Variants in ZEB1 observed in about 807,000 individuals in gnomAD.
ZEB1 encodes zinc finger E-box-binding homeobox 1.
ZEB1 carries 21 observed loss-of-function variants against 84.9 expected under a neutral mutation model. The ratio of observed to expected loss-of-function variants is 0.25; its 90% CI spans 0.18 to 0.36. The LOEUF (loss-of-function observed/expected upper bound fraction) is 0.36, where lower values mean the gene tolerates loss of function less well. Among genes scored for constraint, ZEB1 ranks in the 10% least tolerant of loss-of-function variants. The pLI is 1.00. For synonymous variants in ZEB1, 420 were observed against 471.1 expected (o/e 0.89, Z 1.41); for missense variants, 1,104 against 1,330.2 (o/e 0.83, Z 2.65).
chr10:31,396,218 C>A (rs1451470879), intron 1 of ZEB1, among the ~76,000 whole-genome samples: 5 of 152,068 alleles, frequency 3.3e-5, no homozygotes, highest in Admixed American at 3.3e-4. Context: ...TTAATAATTA[C>A]TTATGAAATA....
At chr10:31,355,831 C>T (rs1469963631) in intron 1 of ZEB1, among the ~76,000 whole-genome samples, 1 of 152,024 alleles carries the variant, frequency 6.6e-6, no homozygotes, top group African/African-American at 2.4e-5. Context: ...TGACCTATAT[C>T]CTAAGGGATA....
chr10:31,497,860 A>G (rs753432713), intron 3 of ZEB1, among the ~76,000 whole-genome samples: 32 of 152,004 alleles, frequency 2.1e-4, no homozygotes, highest in Non-Finnish European at 4.1e-4. Flanking sequence ...ATAATTTTAG[A>G]AAGTTTCAAA....
At chr10:31,420,662 A>G (rs1425974681) in intron 1 of ZEB1, among the ~76,000 whole-genome samples, 1 of 152,182 alleles carries the variant, frequency 6.6e-6, no homozygotes, top group Non-Finnish European at 1.5e-5. Flanking sequence ...GCCAGATAAC[A>G]TAATCACAAC....
intron 1 of ZEB1, among the ~76,000 whole-genome samples, chr10:31,408,188 G>C (rs2053521549): frequency 6.6e-6 from 1 of 150,792 alleles, no homozygotes; most frequent in African/African-American, 2.4e-5. Context: ...AACTTACAAG[G>C]GATGTGAAGG....
intron 1 of ZEB1, among the ~76,000 whole-genome samples, chr10:31,453,387 A>G (rs148406231): frequency 7.6e-4 from 116 of 152,248 alleles, no homozygotes; most frequent in Non-Finnish European, 1.4e-3. Flanking sequence ...GTCACAATAA[A>G]TGATGATAGT....
intron 1 of ZEB1, among the ~76,000 whole-genome samples, chr10:31,378,543 T>C (rs1169526597): frequency 6.6e-6 from 1 of 151,564 alleles, no homozygotes; most frequent in African/African-American, 2.4e-5. Flanking sequence ...GATACAATTA[T>C]GTAATATTAA....
Position 31,339,854 on chromosome 10 carries a change from A to G in ZEB1, c.58+20562A>G, listed in dbSNP as rs115187563. ...CAGATAATTTGGGATGTTCACAGAGAGCTCTGGGTGATTATGACAGTGTAC... is the reference window on the plus strand; with the variant it reads ...CAGATAATTTGGGATGTTCACAGAGGGCTCTGGGTGATTATGACAGTGTAC... On this transcript the variant is annotated intron_variant, in intron 1 of 8. Transcript: ENST00000424869. Among the ~76,000 whole-genome samples the G allele has an allele frequency of 9.4e-3, 1,422 of 151,804 alleles. 24 individuals are homozygous for G. The highest frequency in any genetic ancestry group is 0.033 in the African/African-American group (1,361 of 41,418).
At chr10:31,319,153 G>A (rs1179212925), upstream of ZEB1, 6 of 925,386 alleles carry the variant, frequency 6.5e-6, no homozygotes, top group African/African-American at 3.3e-5. Context: ...GGAGGGGGGA[G>A]GGGTGGAGGC....
intron 3 of ZEB1, among the ~76,000 whole-genome samples, chr10:31,499,972 A>T (rs1298310270): frequency 1.3e-5 from 2 of 152,122 alleles, no homozygotes; most frequent in Non-Finnish European, 2.9e-5. Context: ...AGCAAAATTC[A>T]TATATAAAAT....
intron 6 of ZEB1, among the ~76,000 whole-genome samples, chr10:31,516,464 A>G (rs2071119527): frequency 1.4e-5 from 2 of 146,618 alleles, no homozygotes; most frequent in Admixed American, 1.4e-4. Context: ...ATATGCTGGA[A>G]GTGGACCACA....
intron 2 of ZEB1, among the ~76,000 whole-genome samples, chr10:31,483,730 A>T (rs551908477): frequency 7.9e-5 from 12 of 152,082 alleles, no homozygotes; most frequent in African/African-American, 2.6e-4. Flanking sequence ...GATTGCTGTT[A>T]TCTTCATTCT....
chr10:31,509,153 C>T (rs1259747488), intron 4 of ZEB1, among the ~76,000 whole-genome samples: 2 of 152,146 alleles, frequency 1.3e-5, no homozygotes, highest in Non-Finnish European at 2.9e-5. Flanking sequence ...GGGTTGGGCT[C>T]TCAAAATAGT....
chr10:31,401,632 G>A (rs930780406), intron 1 of ZEB1, among the ~76,000 whole-genome samples: 7 of 152,098 alleles, frequency 4.6e-5, no homozygotes, highest in African/African-American at 1.7e-4. Flanking sequence ...TGCTCATGTA[G>A]TTCTCTAATA....
chr10:31,520,656 C>A lies in ZEB1; in HGVS notation c.1324C>A (p.Gln442Lys), dbSNP rs2072116690. 1 of 1,613,876 alleles carries A rather than the reference C, an allele frequency of 6.2e-7. No homozygotes were observed. Among genetic ancestry groups the A allele is most frequent in the African/African-American group, 1.3e-5 (1 of 74,912 alleles). The change falls in exon 7 of 9, where the codon CAA becomes AAA. Residue 442 changes from glutamine to lysine, a missense_variant. By Grantham distance (53) the Gln-to-Lys change is moderately conservative. Coordinates refer to ENST00000424869, the MANE Select transcript of ZEB1 (RefSeq NM_001174096.2). The surrounding 1 kb of genome is among the most constrained non-coding windows in gnomAD (Gnocchi z 5.1). ...TCAAGCCAATCTTGCATCCAAAGAA[C>A]AAGAAACAATCAATGCTTCACCCAT... is the stretch of plus-strand genomic sequence containing the variant. ...NNQANLASKEQETINASPIQQ... is the reference protein window; with the variant it reads ...NNQANLASKEKETINASPIQQ...
intron 2 of ZEB1, among the ~76,000 whole-genome samples, chr10:31,485,521 T>C (rs1421464226): frequency 6.6e-6 from 1 of 151,910 alleles, no homozygotes; most frequent in Non-Finnish European, 1.5e-5. Flanking sequence ...GTACTACTTG[T>C]GGATTGATTA....
At chr10:31,474,412 A>G (rs1162598077) in intron 2 of ZEB1, among the ~76,000 whole-genome samples, 4 of 152,188 alleles carry the variant, frequency 2.6e-5, no homozygotes, top group African/African-American at 4.8e-5. Context: ...ACATGAACAG[A>G]CACTTCTCGA....
chr10:31,446,199 T>G (rs1033444766), intron 1 of ZEB1, among the ~76,000 whole-genome samples: 2 of 152,240 alleles, frequency 1.3e-5, no homozygotes, highest in African/African-American at 2.4e-5. Context: ...CTAGTTTATT[T>G]GCATAGAGCT....
intron 1 of ZEB1, chr10:31,387,170 C>A: frequency 1.0e-6 from 1 of 985,830 alleles, no homozygotes; most frequent in Non-Finnish European, 1.2e-6. Context: ...GAGGTCCCTC[C>A]TGCACCAAGA....
intron 1 of ZEB1, among the ~76,000 whole-genome samples, chr10:31,328,883 C>T (rs1429840204): frequency 6.6e-6 from 1 of 152,040 alleles, no homozygotes; most frequent in African/African-American, 2.4e-5. Flanking sequence ...GGAGTCTGCA[C>T]CTTCTCATAT....
Sources: gnomAD v4.1 joint callset for allele counts (sites outside exome capture counted in the v4.1 genomes callset) on GRCh38, gnomAD v4.1.1 for gene constraint, Gnocchi (gnomAD v3.1) non-coding constraint, MANE v1.5 for transcripts, NCBI Gene and HGNC (gene_info 2026-07-23, HGNC 2026-07-21) for gene names.